The following ADGRL3 variants were observed in gnomAD, a reference collection of about 807,000 sequenced individuals.
The protein encoded by ADGRL3 is adhesion G protein-coupled receptor L3.
In ADGRL3, 62 loss-of-function variants were observed where a neutral mutation model predicts 153.5. The ratio of observed to expected loss-of-function variants is 0.40; its 90% confidence interval spans 0.33 to 0.50. ADGRL3 has a LOEUF of 0.50. ADGRL3 is among the 20% of genes least tolerant of loss of function. The pLI is 0.47. For missense variants in ADGRL3, 1,641 were observed against 1,859.4 expected (o/e 0.88, Z 2.16); for synonymous variants, 710 against 672.5 (o/e 1.06, Z -0.86).
intron 1 of ADGRL3, among the ~76,000 whole-genome samples, chr4:61,349,150 T>C (rs1396608955): frequency 6.6e-6 from 1 of 152,046 alleles, no homozygotes; most frequent in Non-Finnish European, 1.5e-5. Flanking sequence ...CTAGTTACCA[T>C]GTGTAAAATT....
At chr4:61,631,676 G>A (rs530934058) in intron 5 of ADGRL3, among the ~76,000 whole-genome samples, 1 of 152,144 alleles carries the variant, frequency 6.6e-6, no homozygotes, top group Non-Finnish European at 1.5e-5. Flanking sequence ...TTGTTGGCTA[G>A]ATTAACTACA....
At chr4:61,685,573 T>G (rs1209630037) in intron 6 of ADGRL3, among the ~76,000 whole-genome samples, 1 of 152,052 alleles carries the variant, frequency 6.6e-6, no homozygotes, top group African/African-American at 2.4e-5. Flanking sequence ...GGAAGAACTT[T>G]CAAGGCAGAG....
At chr4:61,470,179 A>G (rs1408236829) in intron 2 of ADGRL3, among the ~76,000 whole-genome samples, 1 of 152,078 alleles carries the variant, frequency 6.6e-6, no homozygotes, top group Non-Finnish European at 1.5e-5. Context: ...AAGTCATAAT[A>G]CAATGGATAA....
chr4:61,688,510 A>G (rs1408604580), intron 6 of ADGRL3, among the ~76,000 whole-genome samples: 1 of 152,134 alleles, frequency 6.6e-6, no homozygotes, highest in Non-Finnish European at 1.5e-5. Flanking sequence ...GAAAAAATAA[A>G]ATGAAATATA....
At position 61,338,198 on chromosome 4, in the gene ADGRL3, G is replaced by A. The variant is rs539124683; in HGVS notation, c.-239-44926G>A. ...AGGCGAGAGGATCGCTTGAACCTAG[G>A]AGGAAGAAGCTGTAGTGAGCTGAGA... On this transcript the variant is annotated intron_variant, in intron 1 of 26. Transcript: ENST00000683033. Among the ~76,000 whole-genome samples the A allele has an allele frequency of 2.2e-4, 33 of 151,970 alleles. 1 individual carries two copies. The highest frequency in any genetic ancestry group is 7.7e-4 in the African/African-American group (32 of 41,420).
chr4:61,761,331 C>A (rs1328951491), intron 8 of ADGRL3, among the ~76,000 whole-genome samples: 6 of 152,112 alleles, frequency 3.9e-5, no homozygotes, highest in Admixed American at 2.0e-4. Context: ...TAAGTTCCTC[C>A]CAAAGTTAGT....
At chr4:61,844,779 A>G (rs901275971) in intron 9 of ADGRL3, among the ~76,000 whole-genome samples, 2 of 151,516 alleles carry the variant, frequency 1.3e-5, no homozygotes, top group East Asian at 2.0e-4. Flanking sequence ...TCTTTTTCCA[A>G]CAGACTCAAG....
At chr4:61,448,260 C>T (rs900151203) in intron 2 of ADGRL3, among the ~76,000 whole-genome samples, 1 of 148,590 alleles carries the variant, frequency 6.7e-6, no homozygotes, top group Admixed American at 6.9e-5. Context: ...TAGGGTATAA[C>T]AAAATACACT....
At chr4:62,054,169 G>A (rs1735766956) in intron 25 of ADGRL3, among the ~76,000 whole-genome samples, 1 of 151,590 alleles carries the variant, frequency 6.6e-6, no homozygotes, top group Non-Finnish European at 1.5e-5. Context: ...TTTTGCCTGT[G>A]GTTAAGGAAA....
rs186631800 is a variant in ADGRL3, at chr4:61,271,690, C to T, written c.-240+69925C>T. ...GATTACTCAGAAACAGCATTCATGGCCAGCCCAGAATTAATGTGTAAATGA... is the reference window on the plus strand; with the variant it reads ...GATTACTCAGAAACAGCATTCATGGTCAGCCCAGAATTAATGTGTAAATGA... On this transcript the variant is annotated intron_variant, in intron 1 of 26. Coordinates refer to ENST00000683033, the MANE Select transcript of ADGRL3 (RefSeq NM_001387552.1). Among the ~76,000 whole-genome samples the T allele has an allele frequency of 4.2e-4, 64 of 152,046 alleles. 1 individual carries two copies. The highest frequency in any genetic ancestry group is 4.4e-5 in the Non-Finnish European group (3 of 67,916).
chr4:61,566,038 A>G (rs962242892), intron 4 of ADGRL3, among the ~76,000 whole-genome samples: 19 of 152,196 alleles, frequency 1.2e-4, no homozygotes, highest in Admixed American at 1.1e-3. Context: ...AAAGGTGGGT[A>G]AGGGGATTTG....
intron 1 of ADGRL3, among the ~76,000 whole-genome samples, chr4:61,281,295 A>G (rs778334774): frequency 6.6e-6 from 1 of 152,066 alleles, no homozygotes; most frequent in Non-Finnish European, 1.5e-5. Context: ...AGCTTTGTCC[A>G]TTGCTGCTAT....
chr4:61,446,887 A>G (rs533293023), intron 2 of ADGRL3, among the ~76,000 whole-genome samples: 1 of 152,208 alleles, frequency 6.6e-6, no homozygotes, highest in African/African-American at 2.4e-5. Context: ...GGTAGGTGCC[A>G]AATTTCATGT....
At chr4:61,640,240 A>C (rs2093605103) in intron 5 of ADGRL3, among the ~76,000 whole-genome samples, 1 of 152,264 alleles carries the variant, frequency 6.6e-6, no homozygotes, top group Non-Finnish European at 1.5e-5. Context: ...TAGAAAAAAA[A>C]ATGCAAAAAA....
chr4:61,766,714 G>A (rs1386757061), intron 8 of ADGRL3, among the ~76,000 whole-genome samples: 5 of 151,904 alleles, frequency 3.3e-5, no homozygotes, highest in Admixed American at 2.0e-4. Flanking sequence ...GGGTGTCAGG[G>A]TCAGTCCAAG....
intron 1 of ADGRL3, among the ~76,000 whole-genome samples, chr4:61,237,933 CT>C (rs1753447979): frequency 6.6e-6 from 1 of 152,086 alleles, no homozygotes; most frequent in African/African-American, 2.4e-5. Flanking sequence ...GTCTGTGTTG[CT>C]GAGATGCATA....
At chr4:61,751,050 T>G (rs2096751344) in intron 8 of ADGRL3, among the ~76,000 whole-genome samples, 1 of 152,110 alleles carries the variant, frequency 6.6e-6, no homozygotes, top group South Asian at 2.1e-4. Flanking sequence ...ACAGTGGCAT[T>G]AGATTCTCAT....
intron 9 of ADGRL3, among the ~76,000 whole-genome samples, chr4:61,858,520 C>G (rs1025629373): frequency 5.3e-5 from 8 of 152,132 alleles, no homozygotes; most frequent in Admixed American, 1.3e-4. Flanking sequence ...ACTCAGGAGG[C>G]TAAAGCAGGA....
chr4:61,986,773 T>C (rs1226905159), intron 19 of ADGRL3, among the ~76,000 whole-genome samples: 1 of 152,190 alleles, frequency 6.6e-6, no homozygotes, highest in Non-Finnish European at 1.5e-5. Context: ...TTGGGGTACA[T>C]TGTAAATAAA....
Sources: allele counts gnomAD v4.1 joint callset (sites outside exome capture counted in the v4.1 genomes callset), GRCh38; gene constraint gnomAD v4.1.1; transcripts MANE v1.5; gene names NCBI Gene and HGNC (gene_info 2026-07-23, HGNC 2026-07-21).